The following OPCML variants were observed in gnomAD, a reference collection of about 807,000 sequenced individuals.
OPCML encodes opioid binding protein/cell adhesion molecule like, also known as opioid-binding protein/cell adhesion molecule.
OPCML carries 13 observed loss-of-function variants against 37.8 expected under a neutral mutation model. The ratio of observed to expected loss-of-function variants is 0.34; its 90% confidence interval spans 0.22 to 0.55. OPCML has a LOEUF of 0.55. Ranked by LOEUF, OPCML falls within the 20% of genes least tolerant of loss-of-function variation. The pLI, the probability that OPCML is intolerant of heterozygous loss-of-function variation, is 0.91. For synonymous variants in OPCML, 176 were observed against 168.8 expected, an observed-to-expected ratio of 1.04 and a Z score of -0.33; for missense variants, 341 against 435.6, an observed-to-expected ratio of 0.78 and a Z score of 1.93.
In OPCML at chr11:133,519,219, C is replaced by T. The variant is rs146278147; in HGVS notation, c.61+13045G>A. The stretch of plus-strand genomic sequence containing the variant: ...TCCCACTTTCTTCCTAACTTTCTGC[C>T]TAGTTCTAACCTTGGCTTTCTGGCT... On this transcript the variant is annotated intron_variant, in intron 1 of 7. Coordinates refer to ENST00000524381, the MANE Select transcript of OPCML (RefSeq NM_001012393.5). Among the ~76,000 whole-genome samples, 314 of 152,324 alleles carry T rather than the reference C, an allele frequency of 2.1e-3. 1 individual carries two copies. Among genetic ancestry groups the T allele is most frequent in the African/African-American group, 7.2e-3 (298 of 41,570 alleles).
At chr11:132,506,466 G>A (rs1308502399) in intron 4 of OPCML, among the ~76,000 whole-genome samples, 1 of 152,146 alleles carries the variant, frequency 6.6e-6, no homozygotes, top group Non-Finnish European at 1.5e-5. Context: ...AAAGAATGAG[G>A]TGGAAGAATT....
intron 3 of OPCML, among the ~76,000 whole-genome samples, chr11:132,627,803 G>A (rs1565724579): frequency 6.6e-6 from 1 of 152,178 alleles, no homozygotes; most frequent in Non-Finnish European, 1.5e-5. Context: ...GAAAGCTGAT[G>A]CATTTACAAT....
At chr11:133,525,906 T>C (rs1948481030) in intron 1 of OPCML, among the ~76,000 whole-genome samples, 1 of 151,956 alleles carries the variant, frequency 6.6e-6, no homozygotes, top group Admixed American at 6.6e-5. Flanking sequence ...TTTCCGGGGG[T>C]CTCTCAGCAC....
At chr11:133,194,188 C>T (rs941184446) in intron 1 of OPCML, among the ~76,000 whole-genome samples, 18 of 150,574 alleles carry the variant, frequency 1.2e-4, no homozygotes, top group Admixed American at 2.0e-4. Context: ...CCTTCCCTTC[C>T]CTTTCCCCTT....
At chr11:133,029,203 GT>G (rs1412383383) in intron 1 of OPCML, among the ~76,000 whole-genome samples, 2 of 148,268 alleles carry the variant, frequency 1.3e-5, no homozygotes, top group Non-Finnish European at 3.0e-5. Context: ...TTGTTAAAAA[GT>G]CAAAAGAAAA....
At chr11:132,996,618 C>CAAAAAAAAA (rs11285711) in intron 1 of OPCML, among the ~76,000 whole-genome samples, 1 of 123,400 alleles carries the variant, frequency 8.1e-6, no homozygotes, top group Non-Finnish European at 1.7e-5. Flanking sequence ...GGCTCCATCT[C>CAAAAAAAAA]AAAAAAAAAA....
chr11:132,855,346 C>G (rs1942013773), intron 2 of OPCML, among the ~76,000 whole-genome samples: 1 of 152,176 alleles, frequency 6.6e-6, no homozygotes. Context: ...CCCTGCTCAC[C>G]AAATTATCCA....
At chr11:132,966,308 G>A (rs1946213331) in intron 1 of OPCML, among the ~76,000 whole-genome samples, 1 of 151,884 alleles carries the variant, frequency 6.6e-6, no homozygotes, top group Non-Finnish European at 1.5e-5. Context: ...ATTTGAGTGT[G>A]TTAATTTCCA....
chr11:133,153,232 G>A (rs765151739), intron 1 of OPCML, among the ~76,000 whole-genome samples: 2 of 152,190 alleles, frequency 1.3e-5, no homozygotes, highest in Non-Finnish European at 2.9e-5. Flanking sequence ...AGGCGTTCTC[G>A]GAAGATGGGG....
At position 133,353,082 on chromosome 11, in the gene OPCML, G is replaced by C. The variant is rs964228861; in HGVS notation, c.61+179182C>G. Among the ~76,000 whole-genome samples, 6 of 152,232 alleles carry C rather than the reference G, an allele frequency of 3.9e-5. No homozygotes were observed. In the East Asian group the frequency reaches 1.2e-3, roughly 29 times the overall value. On this transcript the variant is annotated intron_variant, in intron 1 of 7. Coordinates refer to ENST00000524381, the MANE Select transcript of OPCML (RefSeq NM_001012393.5). The stretch of plus-strand genomic sequence containing the variant: ...ATTAAAATTTTTTCAAAGGTTAAAG[G>C]TTTCATTCTCTTCCTTAGAATTTGC...
intron 1 of OPCML, among the ~76,000 whole-genome samples, chr11:133,375,232 C>T (rs1029242527): frequency 3.3e-5 from 5 of 152,190 alleles, no homozygotes; most frequent in Admixed American, 6.5e-5. Context: ...TTAGCGAGCA[C>T]GCATGTCGCG....
At chr11:133,517,055 G>A (rs1948294306) in intron 1 of OPCML, among the ~76,000 whole-genome samples, 2 of 152,112 alleles carry the variant, frequency 1.3e-5, no homozygotes, top group South Asian at 2.1e-4. Context: ...GCCATTAGAC[G>A]CATCTTGCCA....
chr11:133,096,693 C>T (rs1350262100), intron 1 of OPCML, among the ~76,000 whole-genome samples: 2 of 151,764 alleles, frequency 1.3e-5, no homozygotes, highest in Non-Finnish European at 2.9e-5. Flanking sequence ...AGAAAATATG[C>T]CATGGTAACA....
intron 2 of OPCML, among the ~76,000 whole-genome samples, chr11:132,913,642 C>T (rs957124838): frequency 6.6e-6 from 1 of 152,156 alleles, no homozygotes; most frequent in Non-Finnish European, 1.5e-5. Flanking sequence ...CCAAAGGTTG[C>T]ACAGCTCAAC....
chr11:132,643,356 C>T (rs1283412297), intron 3 of OPCML, among the ~76,000 whole-genome samples: 1 of 152,312 alleles, frequency 6.6e-6, no homozygotes. Flanking sequence ...GAGACCCTCC[C>T]TGGGGAGTGT....
intron 2 of OPCML, among the ~76,000 whole-genome samples, chr11:132,745,764 G>A (rs1945612341): frequency 6.6e-6 from 1 of 152,116 alleles, no homozygotes; most frequent in African/African-American, 2.4e-5. Context: ...TGTCAGGCCA[G>A]GTGGAAGCAG....
At chr11:133,503,296 C>T (rs1947956119) in intron 1 of OPCML, among the ~76,000 whole-genome samples, 1 of 152,134 alleles carries the variant, frequency 6.6e-6, no homozygotes, top group Non-Finnish European at 1.5e-5. Flanking sequence ...GCCCCCAAAC[C>T]CAGCATCATA....
chr11:132,870,069 T>A (rs1591730212), intron 2 of OPCML, among the ~76,000 whole-genome samples: 1 of 152,318 alleles, frequency 6.6e-6, no homozygotes, highest in African/African-American at 2.4e-5. Flanking sequence ...ACACACTAGA[T>A]TTCTTTAACC....
intron 2 of OPCML, among the ~76,000 whole-genome samples, chr11:132,930,012 G>T (rs1485408615): frequency 6.6e-6 from 1 of 152,134 alleles, no homozygotes; most frequent in African/African-American, 2.4e-5. Flanking sequence ...CAAGGCAGGA[G>T]TGTCTGCTTC....
Sources: gnomAD v4.1 joint callset for allele counts (sites outside exome capture counted in the v4.1 genomes callset) on GRCh38, gnomAD v4.1.1 for gene constraint, MANE v1.5 for transcripts, NCBI Gene and HGNC (gene_info 2026-07-23, HGNC 2026-07-21) for gene names.